Variants in LMO7 observed in about 807,000 individuals in gnomAD.
The protein encoded by LMO7 is LIM domain 7, also known as LIM domain only protein 7.
LMO7 carries 120 observed loss-of-function variants against 206.5 expected under a neutral mutation model. That is an observed-to-expected ratio of 0.58 (90% CI 0.50 to 0.68). LMO7 has a LOEUF of 0.68. LMO7 is among the 30% of genes least tolerant of loss of function. The probability of loss-of-function intolerance (pLI) is 0.00; values close to 1 mark genes in which losing one functional copy is unlikely to be tolerated. For synonymous variants in LMO7, 706 were observed against 681.5 expected (o/e 1.04, Z -0.56); for missense variants, 1,959 against 1,957.9 (o/e 1.00, Z -0.01).
intron 3 of LMO7, among the ~76,000 whole-genome samples, chr13:75,757,123 C>T (rs4514560): frequency 0.14 from 20,564 of 152,174 alleles, 1,988 homozygotes; most frequent in East Asian, 0.35. Flanking sequence ...CCTTGGATCA[C>T]GGGCTCTATC....
intron 4 of LMO7, among the ~76,000 whole-genome samples, chr13:75,765,315 A>AC (rs1391515011): frequency 6.5e-5 from 9 of 137,920 alleles, no homozygotes; most frequent in Admixed American, 6.4e-4. Context: ...ACCTAGTTTT[A>AC]CTTTTTTTTT....
intron 4 of LMO7, among the ~76,000 whole-genome samples, chr13:75,772,618 G>C (rs1274582021): frequency 6.6e-6 from 1 of 152,026 alleles, no homozygotes; most frequent in Non-Finnish European, 1.5e-5. Context: ...ACCCAGTTCT[G>C]TTTCTCTTAT....
chr13:75,779,636 G>A (rs1446768703), intron 4 of LMO7, among the ~76,000 whole-genome samples: 3 of 152,174 alleles, frequency 2.0e-5, no homozygotes, highest in Non-Finnish European at 4.4e-5. Flanking sequence ...GGCTAAATAG[G>A]AAGTGCATGT....
intron 1 of LMO7, among the ~76,000 whole-genome samples, chr13:75,692,010 C>T (rs1393859331): frequency 1.3e-5 from 2 of 152,188 alleles, no homozygotes; most frequent in East Asian, 3.9e-4. Flanking sequence ...GGGGAGGCTT[C>T]ACCTTTGCAT....
intron 3 of LMO7, among the ~76,000 whole-genome samples, chr13:75,746,644 A>G (rs1415067315): frequency 6.6e-6 from 1 of 152,208 alleles, no homozygotes; most frequent in Admixed American, 6.6e-5. Flanking sequence ...ATTATATGGG[A>G]TGTCCTGTAG....
Position 75,808,179 on chromosome 13 carries a change from G to C in LMO7, c.1896G>C (p.Lys632Asn), listed in dbSNP as rs1473427457. The change falls in exon 10 of 31, where the codon AAG (lysine) becomes AAC (asparagine). Residue 632 changes from lysine to asparagine, a missense_variant. Lys to Asn is a moderately conservative substitution (Grantham distance 94). Coordinates refer to ENST00000377534, the MANE Select transcript of LMO7 (RefSeq NM_001306080.2). The part of the protein sequence containing the change: ...AIREASRLRH[K>N]KRLMVERLFQ... The stretch of plus-strand genomic sequence containing the variant: ...GGGAGGCCAGCAGACTTAGGCACAA[G>C]AAAAGGCTGATGGTGGAGAGGTCAG... 6.2e-7 allele frequency: 1 copy of C among 1,612,746 alleles called. No individual in the cohort carries two copies. Among genetic ancestry groups the C allele is most frequent in the South Asian group, 1.1e-5 (1 of 90,978 alleles).
intron 1 of LMO7, among the ~76,000 whole-genome samples, chr13:75,710,191 G>GA (rs201806879): frequency 0.053 from 8,063 of 152,150 alleles, 306 homozygotes; most frequent in South Asian, 0.11. Flanking sequence ...ATGCTGTTTT[G>GA]GTTACTATAG....
At chr13:75,708,081 G>A (rs1462924320) in intron 1 of LMO7, among the ~76,000 whole-genome samples, 1 of 152,088 alleles carries the variant, frequency 6.6e-6, no homozygotes, top group Non-Finnish European at 1.5e-5. Context: ...TTGTCAGAGT[G>A]GTAACTTCAG....
At chr13:75,718,408 G>A (rs949755804) in intron 2 of LMO7, among the ~76,000 whole-genome samples, 2 of 152,176 alleles carry the variant, frequency 1.3e-5, no homozygotes, top group Admixed American at 6.5e-5. Flanking sequence ...ACATTACTTC[G>A]TAGTTAAATA....
intron 1 of LMO7, among the ~76,000 whole-genome samples, chr13:75,708,855 G>A (rs1333702813): frequency 1.3e-5 from 2 of 152,026 alleles, no homozygotes; most frequent in East Asian, 3.9e-4. Context: ...GTGCAGGTTA[G>A]TTACATATGT....
At chr13:75,650,120 G>A (rs1203338930) in intron 1 of LMO7, among the ~76,000 whole-genome samples, 1 of 151,876 alleles carries the variant, frequency 6.6e-6, no homozygotes, top group East Asian at 1.9e-4. Context: ...ACTGTGCCTG[G>A]CCACATTTTT....
At chr13:75,760,881 TTGTC>T (rs1239881611) in intron 3 of LMO7, 47 bp from the exon 4 acceptor site, 3 of 1,607,434 alleles carry the variant, frequency 1.9e-6, no homozygotes, top group Non-Finnish European at 2.6e-6. Context: ...TTTGTAACCT[TTGTC>T]TGAGAGAGAG....
Position 75,830,858 on chromosome 13 carries a change from T to C in LMO7, c.2950-2193T>C, listed in dbSNP as rs545469565. Reference sequence around the variant, plus strand: ...ATGCTTTATGTAGTTTGAGAGTATTTATTAAGACTCCATCCTGTCTTTTAT... The same window carrying C: ...ATGCTTTATGTAGTTTGAGAGTATTCATTAAGACTCCATCCTGTCTTTTAT... On this transcript the variant is annotated intron_variant, in intron 15 of 30. Coordinates refer to ENST00000377534, the MANE Select transcript of LMO7 (RefSeq NM_001306080.2). Among the ~76,000 whole-genome samples, 4 of 152,304 alleles carry C rather than the reference T, an allele frequency of 2.6e-5. 1 individual carries two copies. In the South Asian group the frequency reaches 8.3e-4, roughly 32 times the overall value.
In LMO7 at chr13:75,809,137, GT is replaced by G; in HGVS notation, c.1917-13del. 6.2e-7 allele frequency: 1 copy of G among 1,605,480 alleles called. No individual in the cohort carries two copies. Among genetic ancestry groups the G allele is most frequent in the Non-Finnish European group, 8.5e-7 (1 of 1,172,706 alleles). ...GGGAAAAATGACTTTTTAATTTTTG[GT>G]TTTCTGGTTTCTTAGACTCTTTCAA... On this transcript the variant is annotated splice_polypyrimidine_tract_variant and intron_variant, in intron 10 of 30. Coordinates refer to ENST00000377534, the MANE Select transcript of LMO7 (RefSeq NM_001306080.2).
In LMO7 at chr13:75,765,861, T is replaced by A. The variant is rs187899121; in HGVS notation, c.317+4823T>A. On this transcript the variant is annotated intron_variant, in intron 4 of 30. Coordinates refer to ENST00000377534, the MANE Select transcript of LMO7 (RefSeq NM_001306080.2). Reference sequence around the variant, plus strand: ...CAGTGCTTCTTCCTTTGCTCTCTACTCCCTCAAATCCAAAAAAGCCCTGGG... The same window carrying A: ...CAGTGCTTCTTCCTTTGCTCTCTACACCCTCAAATCCAAAAAAGCCCTGGG... Among the ~76,000 whole-genome samples, 17 of 152,234 alleles carry A rather than the reference T, an allele frequency of 1.1e-4. No homozygotes were observed. The East Asian group carries it at 3.3e-3, about 29-fold the overall frequency.
chr13:75,842,258 C>T (rs1292767716), intron 24 of LMO7, among the ~76,000 whole-genome samples: 1 of 152,186 alleles, frequency 6.6e-6, no homozygotes, highest in Non-Finnish European at 1.5e-5. Context: ...AGTACCTCTA[C>T]TCTTCCCCTT....
intron 1 of LMO7, among the ~76,000 whole-genome samples, chr13:75,648,073 G>C (rs1363774594): frequency 6.8e-6 from 1 of 148,104 alleles, no homozygotes; most frequent in Non-Finnish European, 1.5e-5. Context: ...TGAGCCTCCT[G>C]AGTAGCTGGG....
chr13:75,773,545 A>G (rs929965563), intron 4 of LMO7, among the ~76,000 whole-genome samples: 1 of 152,174 alleles, frequency 6.6e-6, no homozygotes, highest in Non-Finnish European at 1.5e-5. Context: ...AAAGCAGTGA[A>G]CAGGTAGATG....
At chr13:75,628,271 TG>T (rs2034470442) in intron 2 of LMO7, 1 of 152,248 alleles carries the variant, frequency 6.6e-6, no homozygotes, top group South Asian at 2.1e-4. Context: ...GTCTTCTTTT[TG>T]GAGGAATGTT....
Sources: allele counts gnomAD v4.1 joint callset (sites outside exome capture counted in the v4.1 genomes callset), GRCh38; gene constraint gnomAD v4.1.1; transcripts MANE v1.5; gene names NCBI Gene and HGNC (gene_info 2026-07-23, HGNC 2026-07-21).